LRRC43: variants seen among roughly 807,000 people sequenced by gnomAD.
The protein encoded by LRRC43 is leucine-rich repeat-containing protein 43.
In LRRC43, 62 loss-of-function variants were observed where a neutral mutation model predicts 64.3. The ratio of observed to expected loss-of-function variants is 0.96; its 90% confidence interval spans 0.79 to 1.19. LRRC43 has a LOEUF of 1.19. Ranked by LOEUF, LRRC43 falls within the 50% of genes most tolerant of loss-of-function variation. The probability of loss-of-function intolerance (pLI) is 0.00; values close to 1 mark genes in which losing one functional copy is unlikely to be tolerated. For synonymous variants in LRRC43, 422 were observed against 382.3 expected (o/e 1.10, Z -1.21); for missense variants, 868 against 845.0 (o/e 1.03, Z -0.34).
At position 122,187,850 on chromosome 12, in the gene LRRC43, G is replaced by T. The variant is rs1566008437; in HGVS notation, c.662+10G>T. The stretch of plus-strand genomic sequence containing the variant: ...TCACCGCTAATCACTGGTAACTCGG[G>T]AGCCCAGATGGAAAGTGAGAGGGAG... On this transcript the variant is annotated intron_variant, in intron 4 of 11. Coordinates refer to ENST00000339777, the MANE Select transcript of LRRC43 (RefSeq NM_001098519.2). 5.6e-6 allele frequency: 9 copies of T among 1,613,514 alleles called. No homozygotes were observed. The highest frequency in any genetic ancestry group is 6.8e-6 in the Non-Finnish European group (8 of 1,179,770).
At chr12:122,201,748 G>A (rs1422378913) in intron 11 of LRRC43, among the ~76,000 whole-genome samples, 1 of 152,194 alleles carries the variant, frequency 6.6e-6, no homozygotes, top group Non-Finnish European at 1.5e-5. Flanking sequence ...CCAACTGGGA[G>A]GGAGAGAAAG....
intron 3 of LRRC43, 76 bp downstream of exon 3, chr12:122,186,376 G>A: frequency 2.2e-6 from 2 of 926,958 alleles, no homozygotes; most frequent in Non-Finnish European, 3.4e-6. Flanking sequence ...GCCCCACATA[G>A]TGTGGCCAGC....
At chr12:122,201,016 G>A (rs1953833089) in intron 10 of LRRC43, 82 bp downstream of exon 10, 7 of 1,481,276 alleles carry the variant, frequency 4.7e-6, no homozygotes, top group Non-Finnish European at 6.3e-6. Context: ...AGGGCTGTGG[G>A]CCCAGGTCAC....
At chr12:122,186,097 T>A (rs1174262691) in intron 2 of LRRC43, 93 bp from the exon 3 acceptor site, 1 of 716,958 alleles carries the variant, frequency 1.4e-6, no homozygotes. Flanking sequence ...GTAACTCTGA[T>A]GGAGGAGCCG....
In LRRC43 at chr12:122,200,328, A is replaced by C. The variant is rs1360698953; in HGVS notation, c.1489A>C (p.Lys497Gln). The C allele has an allele frequency of 6.2e-7, 1 of 1,609,392 alleles. No homozygotes were observed. The highest frequency in any genetic ancestry group is 8.5e-7 in the Non-Finnish European group (1 of 1,179,682). ...GACCACCGTGACCATCGTGGAGGAGAAGGTGGGCAGGCGGAGGCAGTGCCC... is the reference window on the plus strand; with the variant it reads ...GACCACCGTGACCATCGTGGAGGAGCAGGTGGGCAGGCGGAGGCAGTGCCC... Reference protein sequence around the residue: ...AGTTVTIVEEKILSWPVVLPA... With the variant: ...AGTTVTIVEEQILSWPVVLPA... Residue 497 changes from lysine to glutamine, a missense_variant and splice_region_variant, in exon 8 of 12, where the codon AAG (lysine) becomes CAG (glutamine). Physicochemically the swap from Lys to Gln is moderately conservative, Grantham distance 53. Transcript: ENST00000339777. This position sits in a 1 kb window ranked among gnomAD's most constrained non-coding sequence, Gnocchi z 4.6.
Position 122,171,401 on chromosome 12 carries a change from C to T in LRRC43, c.-406+3619C>T, listed in dbSNP as rs537884705. On this transcript the variant is annotated intron_variant, in intron 1 of 5. Transcript: ENST00000537729. ...AGTGTTTATTGCTGCTGAGGTCTTG[C>T]TTTGTCTCTGGAGTGAGTGGTGCTG... 8.5e-5 allele frequency among the ~76,000 whole-genome samples: 13 copies of T among 152,306 alleles called. No homozygotes were observed. In the South Asian group the frequency reaches 1.9e-3, roughly 22 times the overall value.
chr12:122,181,963 G>A (rs1471003651), upstream of LRRC43, among the ~76,000 whole-genome samples: 1 of 152,078 alleles, frequency 6.6e-6, no homozygotes, highest in Admixed American at 6.6e-5. Context: ...AAGAATGAGA[G>A]ATGTTAATGT....
chr12:122,199,278 C>CTTTTT (rs1165454881), intron 7 of LRRC43, among the ~76,000 whole-genome samples: 8 of 86,154 alleles, frequency 9.3e-5, no homozygotes, highest in African/African-American at 2.8e-4. Context: ...ATTGTTTCAG[C>CTTTTT]TTTTTTTTTT....
chr12:122,183,942 T>C (rs2136028689), intron 1 of LRRC43, among the ~76,000 whole-genome samples: 1 of 152,174 alleles, frequency 6.6e-6, no homozygotes. Flanking sequence ...GATTTCACCA[T>C]GTTGCCCAGG....
chr12:122,193,761 T>C (rs12581610), intron 7 of LRRC43, among the ~76,000 whole-genome samples: 7,583 of 152,254 alleles, frequency 0.05, 591 homozygotes, highest in African/African-American at 0.17. Flanking sequence ...GGTTTCACCA[T>C]GTTGACCAGG....
At position 122,175,182 on chromosome 12, in the gene LRRC43, T is replaced by C. The variant is rs567366047; in HGVS notation, c.-406+7400T>C. 6.1e-5 allele frequency among the ~76,000 whole-genome samples: 9 copies of C among 147,356 alleles called. No individual in the cohort carries two copies. The South Asian group carries it at 8.4e-4, about 14-fold the overall frequency. On this transcript the variant is annotated intron_variant, in intron 1 of 5. Coordinates refer to the LRRC43 transcript ENST00000537729. ...TCTTTCTTTCTTTCTTTCTTTCTTT[T>C]TTTTTGAGACAGAGTCTTGCTCTGT...
Position 122,183,267 on chromosome 12 carries a change from C to G in LRRC43, c.123C>G (p.Arg41=), listed in dbSNP as rs768858611. 1.9e-6 allele frequency: 3 copies of G among 1,556,394 alleles called. No homozygotes were observed. Among genetic ancestry groups the G allele is most frequent in the East Asian group, 5.0e-5 (2 of 39,726 alleles). The change falls in exon 1 of 12, where the codon CGC becomes CGG. Residue 41 remains arginine (R), a synonymous_variant. Transcript: ENST00000339777. The part of the protein sequence containing the change: ...VREHLRKLCL[R]EFPCGAGSWN... ...AGCACTTGCGGAAGCTGTGTCTGCG[C>G]GAGTTCCCGTGCGGTGCCGGCAGCT...
At chr12:122,202,615 T>A (rs960806344) in intron 11 of LRRC43, among the ~76,000 whole-genome samples, 1 of 152,200 alleles carries the variant, frequency 6.6e-6, no homozygotes. Flanking sequence ...CACTATACAT[T>A]TTCCAAAGAT....
At chr12:122,201,145 T>C (rs755987071) in intron 10 of LRRC43, 151 bp from the exon 11 acceptor site, 2 of 1,010,738 alleles carry the variant, frequency 2.0e-6, no homozygotes, top group Non-Finnish European at 3.0e-6. Context: ...AGCCTTCCCT[T>C]TGGGGATGGG....
rs1351790218 is a variant in LRRC43, at chr12:122,200,934, G to A, written c.1809G>A (p.Arg603=). The A allele has an allele frequency of 1.3e-6, 2 of 1,590,962 alleles. No individual in the cohort carries two copies. The highest frequency in any genetic ancestry group is 3.5e-5 in the Admixed American group (2 of 57,660). Residue 603 remains arginine, a splice_region_variant and synonymous_variant, in exon 10 of 12, where the codon AGG becomes AGA. Coordinates refer to ENST00000339777, the MANE Select transcript of LRRC43 (RefSeq NM_001098519.2). The surrounding 1 kb of genome is among the most constrained non-coding windows in gnomAD (Gnocchi z 4.6). The part of the protein sequence containing the change: ...TLTSDRLTLA[R]DSKKIKKVAK... ...CATCTGACAGGCTGACGTTGGCCAGGGTACAGCCGGGCCCTAGCCACATCC... is the reference window on the plus strand; with the variant it reads ...CATCTGACAGGCTGACGTTGGCCAGAGTACAGCCGGGCCCTAGCCACATCC...
At chr12:122,190,420 G>T (rs768805163) in intron 5 of LRRC43, 52 bp downstream of exon 5, 1 of 1,425,428 alleles carries the variant, frequency 7.0e-7, no homozygotes, top group South Asian at 1.2e-5. Context: ...CCCAGCCTGC[G>T]CCTGGCTGTG....
intron 1 of LRRC43, chr12:122,173,716 A>G (rs1177277351): frequency 2.7e-6 from 2 of 753,036 alleles, no homozygotes; most frequent in Non-Finnish European, 4.4e-6. Flanking sequence ...TTGCCTGTCT[A>G]GTTTCCCCCA....
rs139046628 is a variant in LRRC43 at position 122,170,026 on chromosome 12, C to T, written c.-406+2244C>T. 1.4e-3 allele frequency among the ~76,000 whole-genome samples: 219 copies of T among 152,118 alleles called. 1 individual carries two copies. The highest frequency in any genetic ancestry group is 5.4e-3 in the Admixed American group (83 of 15,280). On this transcript the variant is annotated intron_variant, in intron 1 of 5. Transcript: ENST00000537729. ...TTCGCCATGTTGCCCAGCCTGGTCT[C>T]GAGCTCCTGACCTCAAGTGATGTTC...
intron 6 of LRRC43, 94 bp from the exon 7 acceptor site, chr12:122,192,651 C>G: frequency 7.0e-7 from 1 of 1,436,436 alleles, no homozygotes; most frequent in Non-Finnish European, 9.6e-7. Context: ...GAACCTCATC[C>G]AGATGTCGGG....
Sources: gnomAD v4.1 joint callset for allele counts (sites outside exome capture counted in the v4.1 genomes callset) on GRCh38, gnomAD v4.1.1 for gene constraint, Gnocchi (gnomAD v3.1) non-coding constraint, MANE v1.5 for transcripts, NCBI Gene and HGNC (gene_info 2026-07-23, HGNC 2026-07-21) for gene names.